Variants in ANKRD42 observed in about 807,000 individuals in gnomAD.
The protein encoded by ANKRD42 is ankyrin repeat domain-containing protein 42.
In ANKRD42, 43 loss-of-function variants were observed where a neutral mutation model predicts 51.5. That is an observed-to-expected ratio of 0.83 (90% CI 0.65 to 1.08). The LOEUF (loss-of-function observed/expected upper bound fraction) is 1.08, where lower values mean the gene tolerates loss of function less well. Ranked by LOEUF, ANKRD42 falls within the 50% of genes least tolerant of loss-of-function variation. The probability of loss-of-function intolerance (pLI) is 0.00; values close to 1 mark genes in which losing one functional copy is unlikely to be tolerated. For missense variants in ANKRD42, 608 were observed against 629.3 expected, an observed-to-expected ratio of 0.97 and a Z score of 0.36; for synonymous variants, 203 against 213.0, an observed-to-expected ratio of 0.95 and a Z score of 0.41.
chr11:83,196,217 C>G (rs1211870752), intron 1 of ANKRD42, among the ~76,000 whole-genome samples: 2 of 152,220 alleles, frequency 1.3e-5, no homozygotes, highest in Non-Finnish European at 2.9e-5. Context: ...GCCTTGTAAA[C>G]TCAGCCTTAC....
chr11:83,210,482 T>A (rs1862272273), intron 4 of ANKRD42, 63 bp downstream of exon 4: 2 of 1,563,288 alleles, frequency 1.3e-6, no homozygotes, highest in Non-Finnish European at 1.7e-6. Flanking sequence ...CATTTGGTAG[T>A]CTAGTTATCT....
At chr11:83,246,207 T>C (rs953796435) in intron 10 of ANKRD42, among the ~76,000 whole-genome samples, 1 of 152,236 alleles carries the variant, frequency 6.6e-6, no homozygotes, top group Admixed American at 6.5e-5. Flanking sequence ...AGGATGGTTG[T>C]GTCTGTGTTG....
downstream of ANKRD42, among the ~76,000 whole-genome samples, chr11:83,263,684 T>C (rs1053524392): frequency 2.0e-5 from 3 of 152,152 alleles, no homozygotes; most frequent in African/African-American, 2.4e-5. Flanking sequence ...ATTTTAAAAA[T>C]TGGAACTAAG....
chr11:83,203,150 T>C (rs1032976258), intron 2 of ANKRD42, among the ~76,000 whole-genome samples: 5 of 151,300 alleles, frequency 3.3e-5, no homozygotes, highest in African/African-American at 1.2e-4. Flanking sequence ...TGTGCCACCA[T>C]ACCTGTCTAA....
chr11:83,245,507 A>C lies in ANKRD42; in HGVS notation c.1205A>C (p.Tyr402Ser). 1 of 1,536,300 alleles carries C rather than the reference A, an allele frequency of 6.5e-7. No homozygotes were observed. Among genetic ancestry groups the C allele is most frequent in the Non-Finnish European group, 8.7e-7 (1 of 1,146,928 alleles). ...LDKTDARMRA[Y>S]KKIVELRHLL... ...CAACTCTGTCTTGCAGTGAGAGCTT[A>C]CAAGAAAATTGTAGAATTGAGACAC... is the stretch of plus-strand genomic sequence containing the variant. Residue 402 changes from tyrosine to serine, a missense_variant, in exon 10 of 11, where the codon TAC (tyrosine) becomes TCC (serine). Transcript: ENST00000533342.
At chr11:83,253,394 TCA>T (rs1591016004), downstream of ANKRD42, among the ~76,000 whole-genome samples, 2 of 152,274 alleles carry the variant, frequency 1.3e-5, no homozygotes, top group African/African-American at 4.8e-5. Flanking sequence ...CTAGAATTTC[TCA>T]GAGTGCATAG....
At position 83,248,526 on chromosome 11, in the gene ANKRD42, A is replaced by G. The variant is rs939088297; in HGVS notation, c.*322A>G. The G allele has an allele frequency of 9.9e-7, 1 of 1,013,982 alleles. No individual in the cohort carries two copies. The highest frequency in any genetic ancestry group is 1.7e-5 in the African/African-American group (1 of 58,376). The allele number at this position is 1,013,982 out of a possible 1,614,324, so 62.8% of individuals were successfully genotyped here. The stretch of plus-strand genomic sequence containing the variant: ...TTTTAATATTCTAAATAACCAAAAT[A>G]AAGTGCTTTGAATGGAATCCATATT... On this transcript the variant is annotated 3_prime_UTR_variant, in exon 11 of 11. Transcript: ENST00000533342.
rs1590958122 is a variant in ANKRD42 at position 83,198,381 on chromosome 11, C to T, written c.59-98C>T. 5 of 1,219,636 alleles carry T rather than the reference C, an allele frequency of 4.1e-6. No individual in the cohort carries two copies. The African/African-American group carries it at 6.2e-5, about 15-fold the overall frequency. 75.6% of individuals were successfully genotyped at this position (1,219,636 alleles called of 1,614,324 possible). A position where few individuals can be genotyped will look rare whatever the true frequency, so the allele number is the denominator to read the frequency against. On this transcript the variant is annotated intron_variant, in intron 1 of 10. Transcript: ENST00000533342. ...TCTTTGTAGTAAATTATTTGGAAAGCCAAAGTAATTTTGTGCTTTCTGTTA... is the reference window on the plus strand; with the variant it reads ...TCTTTGTAGTAAATTATTTGGAAAGTCAAAGTAATTTTGTGCTTTCTGTTA...
intron 5 of ANKRD42, among the ~76,000 whole-genome samples, chr11:83,216,486 G>A (rs565578300): frequency 3.3e-5 from 5 of 152,046 alleles, no homozygotes; most frequent in South Asian, 4.2e-4. Context: ...CACCTCGCCC[G>A]GCTAATTTTT....
intron 2 of ANKRD42, among the ~76,000 whole-genome samples, chr11:83,200,973 G>GTTTCT (rs1049841937): frequency 1.1e-4 from 16 of 151,820 alleles, no homozygotes; most frequent in Non-Finnish European, 5.9e-5. Context: ...TGCACATGCT[G>GTTTCT]TTTCTTTTCT....
At chr11:83,253,539 T>G (rs17144914), downstream of ANKRD42, among the ~76,000 whole-genome samples, 1,260 of 152,344 alleles carry the variant, frequency 8.3e-3, 16 homozygotes, top group African/African-American at 0.029. Flanking sequence ...AATACATACA[T>G]TTTCCCCACA....
chr11:83,243,618 G>T (rs1451998997), intron 9 of ANKRD42, among the ~76,000 whole-genome samples: 1 of 152,064 alleles, frequency 6.6e-6, no homozygotes, highest in African/African-American at 2.4e-5. Flanking sequence ...AAACCTGTCT[G>T]CCCTTGAGAA....
chr11:83,210,854 G>T (rs2135502034), intron 4 of ANKRD42, among the ~76,000 whole-genome samples: 1 of 152,224 alleles, frequency 6.6e-6, no homozygotes, highest in Middle Eastern at 3.4e-3. Context: ...ATTATGTAGT[G>T]GTTGTAATAA....
intron 10 of ANKRD42, among the ~76,000 whole-genome samples, chr11:83,246,144 C>G (rs1863535927): frequency 6.6e-6 from 1 of 152,066 alleles, no homozygotes; most frequent in African/African-American, 2.4e-5. Context: ...TCTGTGGGCT[C>G]CACATCATGG....
intron 2 of ANKRD42, among the ~76,000 whole-genome samples, chr11:83,204,070 G>A (rs550535401): frequency 6.6e-6 from 1 of 152,196 alleles, no homozygotes; most frequent in South Asian, 2.1e-4. Flanking sequence ...AGCCTCTTGA[G>A]TGGCTGGTAC....
At chr11:83,251,929 G>A (rs999558625), downstream of ANKRD42, among the ~76,000 whole-genome samples, 9 of 152,124 alleles carry the variant, frequency 5.9e-5, no homozygotes, top group Non-Finnish European at 1.2e-4. Context: ...TAAGACTTCA[G>A]TTCATCAAAG....
chr11:83,225,022 G>A lies in ANKRD42; in HGVS notation c.754G>A (p.Glu252Lys), dbSNP rs955195153. The part of the protein sequence containing the change: ...QNILQFIQGA[E>K]YEGKDLEDQE... Reference sequence around the variant, plus strand: ...CATTTTACAGTTTATCCAGGGGGCTGAGTATGAAGGAAAAGACCTAGAGGA... The same window carrying A: ...CATTTTACAGTTTATCCAGGGGGCTAAGTATGAAGGAAAAGACCTAGAGGA... Residue 252 changes from glutamate to lysine, a missense_variant, in exon 6 of 11, where the codon GAG becomes AAG. By Grantham distance (56) the Glu-to-Lys change is moderately conservative. Coordinates refer to ENST00000533342, the MANE Select transcript of ANKRD42 (RefSeq NM_001300975.2). 2 of 1,612,706 alleles carry A rather than the reference G, an allele frequency of 1.2e-6. No homozygotes were observed. The highest frequency in any genetic ancestry group is 1.7e-6 in the Non-Finnish European group (2 of 1,179,188).
rs185822327 is a variant in ANKRD42, at chr11:83,240,714, T to C, written c.1020-45T>C. 4.8e-4 allele frequency: 778 copies of C among 1,604,940 alleles called. 3 individuals carry two copies. The African/African-American group carries it at 9.4e-3, about 19-fold the overall frequency. On this transcript the variant is annotated intron_variant, in intron 8 of 10. Transcript: ENST00000533342. ...TTAAGTGCAAGCTGCAGTTTCAGTT[T>C]GAAGAAGATTGTGGATCTGGTTAGT... is the stretch of plus-strand genomic sequence containing the variant.
chr11:83,234,841 G>C (rs577058660), intron 7 of ANKRD42, among the ~76,000 whole-genome samples: 3 of 152,200 alleles, frequency 2.0e-5, no homozygotes, highest in African/African-American at 7.2e-5. Context: ...CTCTGCAGAA[G>C]CCAGCTTGTA....
Sources: gnomAD v4.1 joint callset for allele counts (sites outside exome capture counted in the v4.1 genomes callset) on GRCh38, gnomAD v4.1.1 for gene constraint, MANE v1.5 for transcripts, NCBI Gene and HGNC (gene_info 2026-07-23, HGNC 2026-07-21) for gene names.